The following DLC1 variants were observed in gnomAD, a reference collection of about 807,000 sequenced individuals.
DLC1 encodes the protein DLC1 Rho GTPase activating protein, also known as rho GTPase-activating protein 7.
A neutral mutation model predicts 140.3 loss-of-function variants in DLC1; 54 were observed. The ratio of observed to expected loss-of-function variants is 0.38; its 90% CI spans 0.31 to 0.48. DLC1 has a LOEUF of 0.48. Among genes scored for constraint, DLC1 ranks in the 20% least tolerant of loss-of-function variants. The pLI, the probability that DLC1 is intolerant of heterozygous loss-of-function variation, is 0.96. For missense variants in DLC1, 2,536 were observed against 1,907.0 expected (o/e 1.33, Z -6.14); for synonymous variants, 986 against 728.1 (o/e 1.35, Z -5.70).
At chr8:13,570,145 A>G (rs1288399042) in intron 1 of DLC1, among the ~76,000 whole-genome samples, 8 of 152,218 alleles carry the variant, frequency 5.3e-5, no homozygotes, top group South Asian at 2.1e-4. Flanking sequence ...TTAAGGTCAC[A>G]TAGTGGTTCT....
At chr8:13,406,009 CT>C (rs541288501) in intron 2 of DLC1, among the ~76,000 whole-genome samples, 7,211 of 73,392 alleles carry the variant, frequency 0.098, 816 homozygotes, top group African/African-American at 0.31. Context: ...TATTCTTCTT[CT>C]TTTTTTTTTT....
intron 2 of DLC1, among the ~76,000 whole-genome samples, chr8:13,467,511 T>G (rs1241692957): frequency 6.6e-6 from 1 of 151,982 alleles, no homozygotes; most frequent in Admixed American, 6.6e-5. Flanking sequence ...CCTGTAATCC[T>G]AGCACTTTGG....
At chr8:13,142,928 A>G (rs1432247958) in intron 5 of DLC1, among the ~76,000 whole-genome samples, 1 of 152,116 alleles carries the variant, frequency 6.6e-6, no homozygotes, top group Non-Finnish European at 1.5e-5. Context: ...ACATTCCTGT[A>G]ATCCCAGCTA....
intron 1 of DLC1, among the ~76,000 whole-genome samples, chr8:13,530,892 G>C (rs764235352): frequency 2.0e-5 from 3 of 152,146 alleles, no homozygotes; most frequent in Non-Finnish European, 2.9e-5. Flanking sequence ...TTTACCATTT[G>C]CTATGAGCTA....
At chr8:13,550,659 T>C (rs1803815075) in intron 1 of DLC1, among the ~76,000 whole-genome samples, 1 of 152,162 alleles carries the variant, frequency 6.6e-6, no homozygotes, top group Non-Finnish European at 1.5e-5. Flanking sequence ...TTATTTTAGC[T>C]CTTTCCAGAG....
At chr8:13,375,808 G>T (rs1347243279) in intron 4 of DLC1, among the ~76,000 whole-genome samples, 1 of 152,060 alleles carries the variant, frequency 6.6e-6, no homozygotes, top group East Asian at 1.9e-4. Context: ...ATTCAAAGAA[G>T]AACATAAACT....
intron 5 of DLC1, among the ~76,000 whole-genome samples, chr8:13,241,682 G>A (rs1287161284): frequency 6.6e-6 from 1 of 152,176 alleles, no homozygotes; most frequent in Admixed American, 6.5e-5. Context: ...CAGGGACAAA[G>A]GATGCCGGTT....
intron 1 of DLC1, among the ~76,000 whole-genome samples, chr8:13,601,446 A>C (rs960899582): frequency 2.6e-5 from 4 of 151,786 alleles, no homozygotes; most frequent in African/African-American, 9.7e-5. Flanking sequence ...TAGTTCCCGG[A>C]TTGTTAGAGA....
chr8:13,136,576 C>G (rs563575878), intron 5 of DLC1, among the ~76,000 whole-genome samples: 7 of 152,208 alleles, frequency 4.6e-5, no homozygotes, highest in African/African-American at 1.4e-4. Flanking sequence ...GGTGAAATCT[C>G]AGATCACTGC....
chr8:13,264,210 A>T lies in DLC1; in HGVS notation c.1348+41059T>A, dbSNP rs138463617. 9.4e-3 allele frequency among the ~76,000 whole-genome samples: 1,422 copies of T among 152,040 alleles called. 17 individuals carry two copies. The highest frequency in any genetic ancestry group is 0.014 in the Non-Finnish European group (952 of 67,982). On this transcript the variant is annotated intron_variant, in intron 5 of 17. Transcript: ENST00000276297. Reference sequence around the variant, plus strand: ...CAGCCTCCCGAGTAGATGGGATTACAGGCAGCAGTCACCATACCTGGCTAA... The same window carrying T: ...CAGCCTCCCGAGTAGATGGGATTACTGGCAGCAGTCACCATACCTGGCTAA...
chr8:13,561,003 A>C (rs574875807), intron 1 of DLC1, among the ~76,000 whole-genome samples: 2 of 152,270 alleles, frequency 1.3e-5, no homozygotes, highest in East Asian at 3.9e-4. Flanking sequence ...TGTTGGTTAA[A>C]ATGGGGACAT....
chr8:13,314,895 T>G (rs1339438367), intron 4 of DLC1, among the ~76,000 whole-genome samples: 3 of 152,218 alleles, frequency 2.0e-5, no homozygotes, highest in Admixed American at 6.5e-5. Flanking sequence ...TTCATTGTAG[T>G]GGTAACCACC....
chr8:13,344,573 A>G (rs1400340304), intron 4 of DLC1, among the ~76,000 whole-genome samples: 1 of 152,262 alleles, frequency 6.6e-6, no homozygotes, highest in African/African-American at 2.4e-5. Flanking sequence ...GTACGGAGTG[A>G]CAAGTGGCTT....
intron 5 of DLC1, among the ~76,000 whole-genome samples, chr8:13,259,071 A>C (rs1433534314): frequency 7.1e-6 from 1 of 141,588 alleles, no homozygotes; most frequent in Non-Finnish European, 1.5e-5. Flanking sequence ...CGGGAGGCGG[A>C]GGTTGCAGTG....
At chr8:13,261,358 A>G (rs2117331449) in intron 5 of DLC1, among the ~76,000 whole-genome samples, 1 of 134,264 alleles carries the variant, frequency 7.4e-6, no homozygotes, top group East Asian at 2.1e-4. Flanking sequence ...ATAGAATGGG[A>G]AAGGATAGAA....
chr8:13,343,058 T>G (rs947493564), intron 4 of DLC1, among the ~76,000 whole-genome samples: 2 of 152,164 alleles, frequency 1.3e-5, no homozygotes, highest in African/African-American at 4.8e-5. Flanking sequence ...CTTTACTTAT[T>G]GAAAAGCAGA....
At chr8:13,471,664 C>T (rs1328371665) in intron 2 of DLC1, among the ~76,000 whole-genome samples, 1 of 151,738 alleles carries the variant, frequency 6.6e-6, no homozygotes, top group Non-Finnish European at 1.5e-5. Context: ...CAAACCCACG[C>T]TTGTACCCCT....
At chr8:13,569,008 C>T (rs1406600820) in intron 1 of DLC1, among the ~76,000 whole-genome samples, 1 of 152,168 alleles carries the variant, frequency 6.6e-6, no homozygotes, top group South Asian at 2.1e-4. Context: ...AACAAATTAT[C>T]TAGATAGCCA....
At chr8:13,231,359 C>G (rs766552383) in intron 5 of DLC1, among the ~76,000 whole-genome samples, 4 of 152,132 alleles carry the variant, frequency 2.6e-5, no homozygotes, top group Non-Finnish European at 5.9e-5. Context: ...TCTAGATTTC[C>G]CACTGATGAC....
Sources: gnomAD v4.1 joint callset for allele counts (sites outside exome capture counted in the v4.1 genomes callset) on GRCh38, gnomAD v4.1.1 for gene constraint, MANE v1.5 for transcripts, NCBI Gene and HGNC (gene_info 2026-07-23, HGNC 2026-07-21) for gene names.